Variants in GNAS observed in about 807,000 individuals in gnomAD.
GNAS encodes protein ALEX.
GNAS carries 8 observed loss-of-function variants against 54.5 expected under a neutral mutation model. That is an observed-to-expected ratio of 0.15 (90% CI 0.09 to 0.26). The LOEUF is 0.26. Ranked by LOEUF, GNAS falls within the 10% of genes least tolerant of loss-of-function variation. The pLI, the probability that GNAS is intolerant of heterozygous loss-of-function variation, is 1.00. For missense variants in GNAS, 170 were observed against 529.8 expected (o/e 0.32, Z 6.67); for synonymous variants, 204 against 191.4 (o/e 1.07, Z -0.54).
chr20:58,872,856 T>C (rs4810148), intron 1 of GNAS, among the ~76,000 whole-genome samples: 47,337 of 152,136 alleles, frequency 0.31, 8,870 homozygotes, highest in East Asian at 0.66. Context: ...TTCTATGTCC[T>C]GGGCTTCATT....
At position 58,841,812 on chromosome 20, in the gene GNAS, G is replaced by A; in HGVS notation, c.43+926G>A. ...TGGCCAGGCTGCATGCGGCTTAGCA[G>A]GAGACGTCCTGGGCTGTTTGCGCAG... On this transcript the variant is annotated intron_variant, in intron 1 of 12. Transcript: ENST00000306090. The surrounding 1 kb of genome is among the most constrained non-coding windows in gnomAD (Gnocchi z 5.0). 2 of 1,230,948 alleles carry A rather than the reference G, an allele frequency of 1.6e-6. No homozygotes were observed. The highest frequency in any genetic ancestry group is 2.0e-6 in the Non-Finnish European group (2 of 987,986). 76.3% of individuals were successfully genotyped at this position (1,230,948 alleles called of 1,614,324 possible).
At chr20:58,865,153 C>G (rs1417458386) in intron 1 of GNAS, among the ~76,000 whole-genome samples, 3 of 152,006 alleles carry the variant, frequency 2.0e-5, no homozygotes, top group Non-Finnish European at 2.9e-5. Flanking sequence ...CGCGGTGGCT[C>G]ACGCCTGTAA....
intron 1 of GNAS, among the ~76,000 whole-genome samples, chr20:58,862,974 A>G (rs892744119): frequency 6.6e-6 from 1 of 152,036 alleles, no homozygotes; most frequent in African/African-American, 2.4e-5. Context: ...AAAAAAAAAA[A>G]AAAAGAAAGA....
At position 58,905,380 on chromosome 20, in the gene GNAS, C is replaced by T. The variant is rs749207568; in HGVS notation, c.433-3C>T. On this transcript the variant is annotated splice_region_variant and splice_polypyrimidine_tract_variant and intron_variant, in intron 5 of 12. Transcript: ENST00000371085. Reference sequence around the variant, plus strand: ...CTCTAAACTTTCTTGTGTTCACTTTCAGGAATTCTATGAGCATGCCAAGGC... The same window carrying T: ...CTCTAAACTTTCTTGTGTTCACTTTTAGGAATTCTATGAGCATGCCAAGGC... 3.2e-6 allele frequency: 5 copies of T among 1,558,466 alleles called. No homozygotes were observed. Among genetic ancestry groups the T allele is most frequent in the South Asian group, 1.1e-5 (1 of 89,994 alleles).
At position 58,853,489 on chromosome 20, in the gene GNAS, G is replaced by A. The variant is rs2086269327; in HGVS notation, c.43+12603G>A. The A allele has an allele frequency of 6.2e-7, 1 of 1,613,052 alleles. No homozygotes were observed. Among genetic ancestry groups the A allele is most frequent in the African/African-American group, 1.3e-5 (1 of 74,934 alleles). ...GCCTGTGGACCCCCAGAGGTCTCCA[G>A]ACCCAACTTTCAGGTCCTCAACCCG... On this transcript the variant is annotated intron_variant, in intron 1 of 12. Transcript: ENST00000306090. This position sits in a 1 kb window ranked among gnomAD's most constrained non-coding sequence, Gnocchi z 4.4.
At chr20:58,883,232 A>G (rs1428141561) in intron 1 of GNAS, among the ~76,000 whole-genome samples, 1 of 152,242 alleles carries the variant, frequency 6.6e-6, no homozygotes, top group African/African-American at 2.4e-5. Context: ...TCTGAAAGAA[A>G]CTGGCTATAT....
chr20:58,896,537 G>A (rs1358547320), intron 2 of GNAS, among the ~76,000 whole-genome samples: 5 of 151,820 alleles, frequency 3.3e-5, no homozygotes, highest in African/African-American at 9.7e-5. Flanking sequence ...TGCAAACAGG[G>A]AACATTCAAT....
upstream of GNAS, chr20:58,889,391 G>A: frequency 1.0e-6 from 1 of 983,500 alleles, no homozygotes; most frequent in South Asian, 4.7e-5. Flanking sequence ...GCGGAAGTGC[G>A]AGTCGCCCGG....
intron 1 of GNAS, among the ~76,000 whole-genome samples, chr20:58,879,928 C>G (rs949016774): frequency 6.6e-6 from 1 of 152,120 alleles, no homozygotes; most frequent in Non-Finnish European, 1.5e-5. Context: ...AGAAGCATTT[C>G]GCTTTTACAG....
In GNAS at chr20:58,863,763, A is replaced by G. The variant is rs73307922; in HGVS notation, c.43+22877A>G. The G allele has an allele frequency of 0.14, 20,871 of 152,540 alleles. 2,032 individuals are homozygous for G. Among genetic ancestry groups the G allele is most frequent in the African/African-American group, 0.27 (11,090 of 41,452 alleles). The allele number at this position is 152,540 out of a possible 1,614,324, so 9.4% of individuals were successfully genotyped here. ...CTCTCCCCCTCCATCAAAAGACCACACTATCTCTCTCCTCTTTTCCATTTG... is the reference window on the plus strand; with the variant it reads ...CTCTCCCCCTCCATCAAAAGACCACGCTATCTCTCTCCTCTTTTCCATTTG... On this transcript the variant is annotated intron_variant, in intron 1 of 12. Transcript: ENST00000306090. The surrounding 1 kb of genome is among the most constrained non-coding windows in gnomAD (Gnocchi z 4.1).
At chr20:58,892,100 C>G (rs537739886) in intron 1 of GNAS, 12 of 968,614 alleles carry the variant, frequency 1.2e-5, no homozygotes, top group Non-Finnish European at 1.5e-5. Context: ...GCGGGTCCCC[C>G]TCCCCCGGCC....
At chr20:58,902,373 A>G (rs2090692813) in intron 3 of GNAS, among the ~76,000 whole-genome samples, 1 of 152,340 alleles carries the variant, frequency 6.6e-6, no homozygotes, top group Non-Finnish European at 1.5e-5. Context: ...TCTGAAAAAC[A>G]TACAGCATTT....
At chr20:58,854,619 G>A (rs1422683854) in intron 1 of GNAS, 14 of 1,538,564 alleles carry the variant, frequency 9.1e-6, no homozygotes, top group Middle Eastern at 1.8e-4. Flanking sequence ...CGCCCCAGCC[G>A]ATCCCGACTC....
Position 58,864,928 on chromosome 20 carries a change from GACAC to G in GNAS, c.43+24068_43+24071del, listed in dbSNP as rs144642876. 4.9e-3 allele frequency among the ~76,000 whole-genome samples: 686 copies of G among 138,866 alleles called. 5 individuals carry two copies. The highest frequency in any genetic ancestry group is 0.021 in the East Asian group (97 of 4,728). 91.1% of individuals were successfully genotyped at this position (138,866 alleles called of 152,430 possible). ...CAGCATCTCTGACCCCTACCTACCA[GACAC>G]ACACACACACACACACACACACACA... is the stretch of plus-strand genomic sequence containing the variant. On this transcript the variant is annotated intron_variant, in intron 1 of 12. Transcript: ENST00000306090.
intron 2 of GNAS, chr20:58,898,706 CTG>C: frequency 1.6e-6 from 1 of 617,312 alleles, no homozygotes; most frequent in South Asian, 1.9e-5. Context: ...CCAGAGAGCT[CTG>C]TTAATACTGC....
At chr20:58,898,892 C>CACTGCG (rs1279626577) in intron 2 of GNAS, 49 bp from the exon 3 acceptor site, 2 of 1,491,532 alleles carry the variant, frequency 1.3e-6, no homozygotes, top group African/African-American at 2.8e-5. Flanking sequence ...GTTTGTGTGA[C>CACTGCG]ACTGCGGTGC....
At chr20:58,881,668 C>T (rs1174593666) in intron 1 of GNAS, 1 of 152,234 alleles carries the variant, frequency 6.6e-6, no homozygotes, top group Non-Finnish European at 1.5e-5. Flanking sequence ...TGCTTTCTCA[C>T]CTCAGGTTAA....
intron 1 of GNAS, among the ~76,000 whole-genome samples, chr20:58,894,039 G>A (rs905426600): frequency 6.6e-6 from 1 of 152,220 alleles, no homozygotes; most frequent in Non-Finnish European, 1.5e-5. Context: ...TTTAAATGGT[G>A]ATTCTCACCA....
At chr20:58,869,191 A>C (rs369198488) in intron 1 of GNAS, among the ~76,000 whole-genome samples, 1 of 152,206 alleles carries the variant, frequency 6.6e-6, no homozygotes, top group African/African-American at 2.4e-5. Flanking sequence ...ACTGGTCCTG[A>C]GATCTTGGAC....
Sources: allele counts gnomAD v4.1 joint callset (sites outside exome capture counted in the v4.1 genomes callset), GRCh38; gene constraint gnomAD v4.1.1; non-coding constraint Gnocchi (gnomAD v3.1); transcripts MANE v1.5; gene names NCBI Gene and HGNC (gene_info 2026-07-23, HGNC 2026-07-21).